Variants in ADAMTS17 observed in about 807,000 individuals in gnomAD.
ADAMTS17 encodes the protein A disintegrin and metalloproteinase with thrombospondin motifs 17.
Under a neutral mutation model 141.5 loss-of-function variants are expected in ADAMTS17, and 113 were observed. That is an observed-to-expected ratio of 0.80 (90% confidence interval 0.69 to 0.93). ADAMTS17 has a LOEUF of 0.93. Ranked by LOEUF, ADAMTS17 falls within the 40% of genes least tolerant of loss-of-function variation. The pLI is 0.00. For synonymous variants in ADAMTS17, 768 were observed against 630.6 expected (o/e 1.22, Z -3.27); for missense variants, 1,659 against 1,517.9 (o/e 1.09, Z -1.54).
At chr15:100,225,727 T>C (rs760272549) in intron 7 of ADAMTS17, among the ~76,000 whole-genome samples, 118 of 144,620 alleles carry the variant, frequency 8.2e-4, no homozygotes, top group South Asian at 1.6e-3. Flanking sequence ...GCAGTCATGG[T>C]CTCTGTGCCA....
chr15:100,311,345 C>T (rs2045398857), intron 3 of ADAMTS17, among the ~76,000 whole-genome samples: 2 of 152,236 alleles, frequency 1.3e-5, no homozygotes, highest in South Asian at 4.1e-4. Flanking sequence ...GCTCACTCAG[C>T]CGCCTGGCCC....
At chr15:100,131,737 G>A (rs565566701) in intron 12 of ADAMTS17, among the ~76,000 whole-genome samples, 7 of 152,250 alleles carry the variant, frequency 4.6e-5, no homozygotes, top group East Asian at 3.9e-4. Context: ...AGCTGTCTCC[G>A]AAAACCTTTC....
intron 4 of ADAMTS17, among the ~76,000 whole-genome samples, chr15:100,276,950 G>A (rs1412602021): frequency 2.6e-5 from 4 of 152,108 alleles, no homozygotes; most frequent in South Asian, 2.1e-4. Context: ...ATCTCTGAAC[G>A]GAACTTGTTT....
intron 13 of ADAMTS17, among the ~76,000 whole-genome samples, chr15:100,113,467 A>G (rs754442291): frequency 6.6e-6 from 1 of 152,160 alleles, no homozygotes; most frequent in Non-Finnish European, 1.5e-5. Flanking sequence ...CACTAGCAAT[A>G]CAAATATTTG....
chr15:100,091,426 T>A (rs1441674563), intron 15 of ADAMTS17, among the ~76,000 whole-genome samples: 1 of 152,204 alleles, frequency 6.6e-6, no homozygotes, highest in East Asian at 1.9e-4. Context: ...TTTGGTTTCA[T>A]GAGGAAGCCA....
intron 7 of ADAMTS17, among the ~76,000 whole-genome samples, chr15:100,253,144 G>A (rs1424937142): frequency 4.0e-5 from 6 of 151,548 alleles, no homozygotes; most frequent in African/African-American, 1.5e-4. Context: ...TTTGATTCTG[G>A]CAATGCAATA....
chr15:100,290,096 A>T (rs1419149896), intron 3 of ADAMTS17, among the ~76,000 whole-genome samples: 2 of 152,088 alleles, frequency 1.3e-5, no homozygotes, highest in Non-Finnish European at 2.9e-5. Context: ...AGACGTTATG[A>T]TTTTACAACT....
intron 4 of ADAMTS17, among the ~76,000 whole-genome samples, chr15:100,272,236 CA>C (rs1303439328): frequency 2.6e-5 from 4 of 152,016 alleles, no homozygotes; most frequent in Non-Finnish European, 5.9e-5. Context: ...TCTATCTCTG[CA>C]AAAAAGTCAT....
chr15:100,259,309 A>G (rs2043436341), intron 6 of ADAMTS17, among the ~76,000 whole-genome samples: 1 of 152,198 alleles, frequency 6.6e-6, no homozygotes, highest in African/African-American at 2.4e-5. Flanking sequence ...CCTAAATCGA[A>G]TCCACTCTCA....
At chr15:100,145,810 T>C (rs8039586) in intron 10 of ADAMTS17, among the ~76,000 whole-genome samples, 19,900 of 151,990 alleles carry the variant, frequency 0.13, 1,532 homozygotes, top group Admixed American at 0.21. Flanking sequence ...TAAAACTCTG[T>C]TGTTATTTAT....
chr15:100,243,127 G>A (rs1262484836), intron 7 of ADAMTS17, among the ~76,000 whole-genome samples: 1 of 152,110 alleles, frequency 6.6e-6, no homozygotes, highest in African/African-American at 2.4e-5. Context: ...ATGTCCTCAA[G>A]GTTCATCCAT....
intron 12 of ADAMTS17, among the ~76,000 whole-genome samples, chr15:100,119,624 G>A (rs1270801017): frequency 6.6e-6 from 1 of 152,226 alleles, no homozygotes; most frequent in Non-Finnish European, 1.5e-5. Flanking sequence ...CAGTGAGGAG[G>A]CGGAGAGGAG....
chr15:100,040,642 C>T (rs1344005059), intron 18 of ADAMTS17, among the ~76,000 whole-genome samples: 2 of 151,390 alleles, frequency 1.3e-5, no homozygotes, highest in African/African-American at 2.4e-5. Context: ...ATTCTCTCAT[C>T]CTCTGTAATG....
intron 10 of ADAMTS17, among the ~76,000 whole-genome samples, chr15:100,136,603 T>G (rs1245701940): frequency 6.6e-6 from 1 of 152,236 alleles, no homozygotes; most frequent in Non-Finnish European, 1.5e-5. Flanking sequence ...GGAGGGGGCT[T>G]TCTCTATTTT....
At position 100,140,969 on chromosome 15, in the gene ADAMTS17, G is replaced by A. The variant is rs188654744; in HGVS notation, c.1474-7654C>T. ...AACAGGGTGGAAACACACAAAGGGC[G>A]GCTGCCCAGGCCAAATCAGGGGTGG... On this transcript the variant is annotated intron_variant, in intron 10 of 21. Coordinates refer to ENST00000268070, the MANE Select transcript of ADAMTS17 (RefSeq NM_139057.4). Among the ~76,000 whole-genome samples the A allele has an allele frequency of 8.8e-4, 134 of 152,310 alleles. 2 individuals carry two copies. The highest frequency in any genetic ancestry group is 9.6e-4 in the African/African-American group (40 of 41,568).
At chr15:100,199,663 G>A (rs2041248916) in intron 7 of ADAMTS17, among the ~76,000 whole-genome samples, 1 of 152,220 alleles carries the variant, frequency 6.6e-6, no homozygotes, top group Non-Finnish European at 1.5e-5. Flanking sequence ...GTGCTGAGTA[G>A]AGTACCCATA....
Position 100,116,854 on chromosome 15 carries a change from C to G in ADAMTS17, c.1881G>C (p.Val627=), listed in dbSNP as rs762627935. 6.2e-7 allele frequency: 1 copy of G among 1,614,132 alleles called. No homozygotes were observed. The highest frequency in any genetic ancestry group is 1.1e-5 in the South Asian group (1 of 91,076). The change falls in exon 13 of 22, where the codon GTG becomes GTC. Residue 627 remains valine, a synonymous_variant. Coordinates refer to ENST00000268070, the MANE Select transcript of ADAMTS17 (RefSeq NM_139057.4). ...CATGCCATATGCCTTTACCGTCAAC[C>G]ACCACGGCTGTCAGCAGGCCTTTCT... ...PKKKGLLTAV[V]VDDKPCELYC... is the part of the protein sequence containing the mutation.
intron 18 of ADAMTS17, among the ~76,000 whole-genome samples, chr15:100,002,971 C>T (rs1370123396): frequency 6.6e-6 from 1 of 152,122 alleles, no homozygotes; most frequent in Non-Finnish European, 1.5e-5. Flanking sequence ...CCCTGCTCCT[C>T]AGCCAGGGAT....
At chr15:100,137,894 C>G (rs1191315623) in intron 10 of ADAMTS17, among the ~76,000 whole-genome samples, 1 of 152,086 alleles carries the variant, frequency 6.6e-6, no homozygotes, top group Non-Finnish European at 1.5e-5. Flanking sequence ...ACTGCCAACA[C>G]CCACCCTTTC....
Sources: gnomAD v4.1 joint callset for allele counts (sites outside exome capture counted in the v4.1 genomes callset) on GRCh38, gnomAD v4.1.1 for gene constraint, MANE v1.5 for transcripts, NCBI Gene and HGNC (gene_info 2026-07-23, HGNC 2026-07-21) for gene names.